The following TTC39B variants were observed in gnomAD, a reference collection of about 807,000 sequenced individuals.
TTC39B encodes the protein tetratricopeptide repeat domain 39B, also known as tetratricopeptide repeat protein 39B.
In TTC39B, 92 loss-of-function variants were observed where a neutral mutation model predicts 96.6. That is an observed-to-expected ratio of 0.95 (90% confidence interval 0.80 to 1.13). TTC39B has a LOEUF of 1.13. Among genes scored for constraint, TTC39B ranks in the 50% most tolerant of loss-of-function variants. The probability of loss-of-function intolerance (pLI) is 0.00; values close to 1 mark genes in which losing one functional copy is unlikely to be tolerated. For synonymous variants in TTC39B, 367 were observed against 299.4 expected (o/e 1.23, Z -2.33); for missense variants, 955 against 809.3 (o/e 1.18, Z -2.18).
intron 2 of TTC39B, among the ~76,000 whole-genome samples, chr9:15,243,524 C>T (rs757800619): frequency 2.0e-5 from 3 of 152,156 alleles, no homozygotes; most frequent in Non-Finnish European, 4.4e-5. Context: ...CAACTGTCTA[C>T]AGAAAAAAAG....
chr9:15,169,296 A>G (rs1428981028), exon 20 of TTC39B: 2 of 152,216 alleles, frequency 1.3e-5, no homozygotes, highest in Non-Finnish European at 2.9e-5. Context: ...CATAGAAAAC[A>G]TTAACATATA....
exon 20 of TTC39B, chr9:15,166,979 A>ATTTTTT (rs1371714154): frequency 0.012 from 415 of 33,298 alleles, 20 homozygotes; most frequent in Middle Eastern, 0.018. Flanking sequence ...ACAAACCTTT[A>ATTTTTT]TTTTATATAT....
At chr9:15,166,982 T>TTATA (rs1174714919) in exon 20 of TTC39B, 90 of 20,212 alleles carry the variant, frequency 4.5e-3, no homozygotes, top group Non-Finnish European at 4.6e-3. Context: ...AACCTTTATT[T>TTATA]TATATATATA....
chr9:15,247,431 T>C (rs999557014), intron 2 of TTC39B, among the ~76,000 whole-genome samples: 9 of 152,174 alleles, frequency 5.9e-5, no homozygotes, highest in Admixed American at 5.2e-4. Flanking sequence ...AGTTACTCCC[T>C]ACCCTCAATT....
At chr9:15,300,692 C>A (rs1824551824) in intron 1 of TTC39B, among the ~76,000 whole-genome samples, 1 of 152,092 alleles carries the variant, frequency 6.6e-6, no homozygotes, top group East Asian at 1.9e-4. Flanking sequence ...TCGAAAGCAG[C>A]CTGGCCAACA....
chr9:15,172,067 G>A (rs1218036644), exon 20 of TTC39B: 2 of 1,612,852 alleles, frequency 1.2e-6, no homozygotes, highest in African/African-American at 1.3e-5. Context: ...CCTGAATTCT[G>A]AAGTGTAGTC....
At chr9:15,289,951 G>A (rs1162877735) in intron 1 of TTC39B, among the ~76,000 whole-genome samples, 1 of 152,134 alleles carries the variant, frequency 6.6e-6, no homozygotes, top group Non-Finnish European at 1.5e-5. Flanking sequence ...GATGTCCAGT[G>A]TGAGAGCCAA....
intron 1 of TTC39B, among the ~76,000 whole-genome samples, chr9:15,296,007 C>G (rs1824361092): frequency 6.6e-6 from 1 of 152,180 alleles, no homozygotes. Context: ...AAAGATAATA[C>G]TCCATTTGGT....
chr9:15,300,031 A>T (rs1054311421), intron 1 of TTC39B, among the ~76,000 whole-genome samples: 1 of 152,196 alleles, frequency 6.6e-6, no homozygotes, highest in Admixed American at 6.5e-5. Flanking sequence ...CTGTTTGTTA[A>T]CCTGAGCTGG....
At chr9:15,293,086 T>G (rs1824245868) in intron 1 of TTC39B, among the ~76,000 whole-genome samples, 1 of 152,246 alleles carries the variant, frequency 6.6e-6, no homozygotes, top group Admixed American at 6.5e-5. Context: ...ACAGGTGTAC[T>G]GTTTTTTATA....
intron 2 of TTC39B, among the ~76,000 whole-genome samples, chr9:15,252,299 A>G (rs1322147136): frequency 1.3e-5 from 2 of 152,342 alleles, no homozygotes; most frequent in East Asian, 3.9e-4. Context: ...AGAATAATTG[A>G]TGTAATGTGT....
chr9:15,203,859 C>G, exon 7 of TTC39B: 1 of 1,613,380 alleles, frequency 6.2e-7, no homozygotes, highest in Non-Finnish European at 8.5e-7. Context: ...GTAGGAGACA[C>G]TCGGCATAAC....
chr9:15,211,828 C>T lies in TTC39B; in HGVS notation c.483-431G>A, dbSNP rs1040455720. Among the ~76,000 whole-genome samples, 8 of 152,180 alleles carry T rather than the reference C, an allele frequency of 5.3e-5. No homozygotes were observed. The South Asian group carries it at 6.2e-4, about 12-fold the overall frequency. Reference sequence around the variant, plus strand: ...GCTTATATAAAATAATCCCTCTCCTCGCCAGCCAAAGGCCAAGAGCAAACA... The same window carrying T: ...GCTTATATAAAATAATCCCTCTCCTTGCCAGCCAAAGGCCAAGAGCAAACA... On this transcript the variant is annotated intron_variant, in intron 4 of 19. Coordinates refer to ENST00000512701, the Ensembl canonical transcript of TTC39B.
At position 15,182,295 on chromosome 9, in the gene TTC39B, G is replaced by C; in HGVS notation, c.1723+12C>G. The C allele has an allele frequency of 6.4e-7, 1 of 1,573,338 alleles. No individual in the cohort carries two copies. Among genetic ancestry groups the C allele is most frequent in the Non-Finnish European group, 8.7e-7 (1 of 1,148,496 alleles). On this transcript the variant is annotated intron_variant, in intron 17 of 19. Transcript: ENST00000512701. ...AGACAAAGGCTCCTCGGTGCTTACT[G>C]TGTATACTTACTTTGACTTTGTAAA...
chr9:15,306,346 C>A lies in TTC39B; in HGVS notation c.240+738G>T, dbSNP rs1442210309. 6.6e-6 allele frequency among the ~76,000 whole-genome samples: 1 copy of A among 152,164 alleles called. No individual in the cohort carries two copies. The highest frequency in any genetic ancestry group is 1.5e-5 in the Non-Finnish European group (1 of 68,028). ...TGGGTGCTCAGGCCCGGGCGCGCCA[C>A]GACTGAAGGAGTGGCTAATTACTCA... On this transcript the variant is annotated intron_variant, in intron 1 of 19. Transcript: ENST00000512701. This position sits in a 1 kb window ranked among gnomAD's most constrained non-coding sequence, Gnocchi z 5.1.
At chr9:15,166,981 T>TA (rs1320711669) in exon 20 of TTC39B, 20 of 39,678 alleles carry the variant, frequency 5.0e-4, no homozygotes, top group African/African-American at 1.8e-3. Context: ...AAACCTTTAT[T>TA]TTATATATAT....
At chr9:15,190,598 C>G (rs751415240) in exon 11 of TTC39B, 25 of 1,614,056 alleles carry the variant, frequency 1.5e-5, no homozygotes, top group Admixed American at 6.7e-5. Flanking sequence ...GATGGTTAAG[C>G]AGCACAGTGC....
chr9:15,231,382 T>C (rs1821412088), intron 2 of TTC39B, among the ~76,000 whole-genome samples: 1 of 152,198 alleles, frequency 6.6e-6, no homozygotes, highest in African/African-American at 2.4e-5. Context: ...TGGCCAATAC[T>C]TGTTTTTGTC....
At chr9:15,203,924 A>G in intron 6 of TTC39B, 34 bp from the exon 7 acceptor site, 1 of 1,576,122 alleles carries the variant, frequency 6.3e-7, no homozygotes, top group Non-Finnish European at 8.7e-7. Context: ...ATTAAGTAAA[A>G]TCACACATCC....
Sources: gnomAD v4.1 joint callset for allele counts (sites outside exome capture counted in the v4.1 genomes callset) on GRCh38, gnomAD v4.1.1 for gene constraint, Gnocchi (gnomAD v3.1) non-coding constraint, MANE v1.5 for transcripts, NCBI Gene and HGNC (gene_info 2026-07-23, HGNC 2026-07-21) for gene names.